FMNL2: variants seen among roughly 807,000 people sequenced by gnomAD.
The protein encoded by FMNL2 is formin-like protein 2.
In FMNL2, 51 loss-of-function variants were observed where a neutral mutation model predicts 130.2. The observed-to-expected ratio is 0.39, with a 90% CI of 0.31 to 0.49. The LOEUF is 0.49. Ranked by LOEUF, FMNL2 falls within the 20% of genes least tolerant of loss-of-function variation. The pLI is 0.85. For missense variants in FMNL2, 977 were observed against 1,316.2 expected (o/e 0.74, Z 3.99); for synonymous variants, 465 against 467.1 (o/e 1.00, Z 0.06).
intron 1 of FMNL2, among the ~76,000 whole-genome samples, chr2:152,474,688 AAAAAAAC>A (rs960848026): frequency 4.6e-5 from 7 of 152,082 alleles, no homozygotes; most frequent in Admixed American, 6.5e-5. Flanking sequence ...TCTGTCTAAA[AAAAAAAC>A]AAAAAACAAA....
intron 1 of FMNL2, among the ~76,000 whole-genome samples, chr2:152,387,686 C>T (rs554184731): frequency 6.6e-6 from 1 of 151,866 alleles, no homozygotes; most frequent in African/African-American, 2.4e-5. Context: ...GTTGGGGTCT[C>T]TCTGTCATAC....
At chr2:152,602,879 C>T (rs1277657387) in intron 9 of FMNL2, among the ~76,000 whole-genome samples, 1 of 152,116 alleles carries the variant, frequency 6.6e-6, no homozygotes, top group Non-Finnish European at 1.5e-5. Context: ...TCTAAAGAGG[C>T]CACCGCAAAG....
chr2:152,404,245 T>C (rs956289579), intron 1 of FMNL2, among the ~76,000 whole-genome samples: 2 of 152,180 alleles, frequency 1.3e-5, no homozygotes, highest in Admixed American at 6.5e-5. Context: ...CTGTTACTAC[T>C]GTGTATCATC....
chr2:152,433,068 A>G (rs1687581457), intron 1 of FMNL2, among the ~76,000 whole-genome samples: 2 of 152,252 alleles, frequency 1.3e-5, no homozygotes, highest in South Asian at 2.1e-4. Flanking sequence ...TCTATCTGTC[A>G]TTTCCCAGAA....
At chr2:152,534,564 C>CTTTTTTTTTTTTTTTTTTTTTTTTTTTT (rs10719527) in intron 2 of FMNL2, among the ~76,000 whole-genome samples, 1 of 131,570 alleles carries the variant, frequency 7.6e-6, no homozygotes, top group Non-Finnish European at 1.6e-5. Flanking sequence ...CTTATTTTGT[C>CTTTTTTTTTTTTTTTTTTTTTTTTTTTT]TTTTTTTTTT....
intron 1 of FMNL2, among the ~76,000 whole-genome samples, chr2:152,435,958 A>G (rs554490823): frequency 1.3e-5 from 2 of 152,010 alleles, no homozygotes; most frequent in Admixed American, 6.5e-5. Context: ...AGCCCCAAAG[A>G]TTGTTCCCTT....
At chr2:152,387,678 T>TG (rs1468166449) in intron 1 of FMNL2, among the ~76,000 whole-genome samples, 4 of 152,086 alleles carry the variant, frequency 2.6e-5, no homozygotes, top group African/African-American at 9.6e-5. Context: ...GAATTGGAGT[T>TG]GGGGTCTCTC....
chr2:152,358,855 G>T (rs780916996), intron 1 of FMNL2, among the ~76,000 whole-genome samples: 8 of 152,026 alleles, frequency 5.3e-5, no homozygotes, highest in South Asian at 2.1e-4. Flanking sequence ...ATTTCTTAAG[G>T]TTATATATTA....
intron 1 of FMNL2, among the ~76,000 whole-genome samples, chr2:152,377,635 A>G (rs1368493942): frequency 6.6e-6 from 1 of 152,202 alleles, no homozygotes; most frequent in Non-Finnish European, 1.5e-5. Context: ...CATCACAGAA[A>G]GTTCCATTGT....
At chr2:152,632,418 T>A (rs958057663) in intron 21 of FMNL2, among the ~76,000 whole-genome samples, 1 of 152,244 alleles carries the variant, frequency 6.6e-6, no homozygotes. Context: ...ATTCTGCTGC[T>A]ATTGTATGAA....
intron 1 of FMNL2, among the ~76,000 whole-genome samples, chr2:152,437,412 A>G (rs1372475253): frequency 1.3e-5 from 2 of 152,198 alleles, no homozygotes; most frequent in Admixed American, 6.5e-5. Context: ...GTCTGATAGT[A>G]TACTGAGCAG....
At chr2:152,350,977 G>A (rs911480448) in intron 1 of FMNL2, among the ~76,000 whole-genome samples, 1 of 152,158 alleles carries the variant, frequency 6.6e-6, no homozygotes, top group Non-Finnish European at 1.5e-5. Context: ...CCTGGGAGGC[G>A]GAGGCTGCAG....
At chr2:152,360,946 C>G (rs1047015416) in intron 1 of FMNL2, among the ~76,000 whole-genome samples, 1 of 152,142 alleles carries the variant, frequency 6.6e-6, no homozygotes, top group African/African-American at 2.4e-5. Flanking sequence ...TTAAGTCTTG[C>G]TGAGTTGCCA....
chr2:152,589,985 G>GTATATGTATGTATATGTATATGTATA (rs1558988379), intron 9 of FMNL2, among the ~76,000 whole-genome samples: 3 of 45,844 alleles, frequency 6.5e-5, no homozygotes, highest in Admixed American at 2.6e-4. Flanking sequence ...ATATATATAT[G>GTATATGTATGTATATGTATATGTATA]TATATGTATA....
At chr2:152,389,707 G>A (rs1341732426) in intron 1 of FMNL2, among the ~76,000 whole-genome samples, 1 of 152,244 alleles carries the variant, frequency 6.6e-6, no homozygotes, top group South Asian at 2.1e-4. Flanking sequence ...GGAGCGGTTC[G>A]ATGGCATGTT....
intron 1 of FMNL2, among the ~76,000 whole-genome samples, chr2:152,409,255 C>T (rs1355665352): frequency 6.6e-6 from 1 of 152,100 alleles, no homozygotes; most frequent in Non-Finnish European, 1.5e-5. Context: ...TTCTCAATTG[C>T]TGTGAGGGAT....
At chr2:152,425,553 C>T (rs1252930452) in intron 1 of FMNL2, among the ~76,000 whole-genome samples, 2 of 152,148 alleles carry the variant, frequency 1.3e-5, no homozygotes, top group Non-Finnish European at 2.9e-5. Flanking sequence ...GATTGGTAGT[C>T]CTTCTAATAC....
intron 21 of FMNL2, among the ~76,000 whole-genome samples, 192 bp from the exon 22 acceptor site, chr2:152,636,235 C>A (rs1278687439): frequency 6.6e-6 from 1 of 152,190 alleles, no homozygotes; most frequent in Non-Finnish European, 1.5e-5. Flanking sequence ...TGAACTAGTG[C>A]ATGCAAAGAA....
chr2:152,562,200 T>C (rs1695570381), intron 6 of FMNL2, among the ~76,000 whole-genome samples: 1 of 152,248 alleles, frequency 6.6e-6, no homozygotes, highest in South Asian at 2.1e-4. Flanking sequence ...ATTTTATTAA[T>C]AAGACCTTCA....
Sources: gnomAD v4.1 joint callset for allele counts (sites outside exome capture counted in the v4.1 genomes callset) on GRCh38, gnomAD v4.1.1 for gene constraint, MANE v1.5 for transcripts, NCBI Gene and HGNC (gene_info 2026-07-23, HGNC 2026-07-21) for gene names.